The following IMPA1 variants were observed in gnomAD, a reference collection of about 807,000 sequenced individuals.
The protein encoded by IMPA1 is D-galactose 1-phosphate phosphatase.
IMPA1 carries 21 observed loss-of-function variants against 34.9 expected under a neutral mutation model. That is an observed-to-expected ratio of 0.60 (90% CI 0.43 to 0.87). IMPA1 has a LOEUF of 0.87. Ranked by LOEUF, IMPA1 falls within the 40% of genes least tolerant of loss-of-function variation. The pLI, the probability that IMPA1 is intolerant of heterozygous loss-of-function variation, is 0.00. For synonymous variants in IMPA1, 95 were observed against 104.4 expected (o/e 0.91, Z 0.55); for missense variants, 299 against 336.4 (o/e 0.89, Z 0.87).
chr8:81,669,189 G>C lies in IMPA1; in HGVS notation c.566+1750C>G, dbSNP rs1585893639. ...ATCTCCACCAAGGTAAAGCCTAGTA[G>C]AGCCCAGGAAGTAAGGCCACCACAG... is the stretch of plus-strand genomic sequence containing the variant. On this transcript the variant is annotated intron_variant, in intron 7 of 8. Coordinates refer to ENST00000256108, the MANE Select transcript of IMPA1 (RefSeq NM_005536.4). Among the ~76,000 whole-genome samples, 8 of 152,232 alleles carry C rather than the reference G, an allele frequency of 5.3e-5. 2 individuals carry two copies. Among genetic ancestry groups the C allele is most frequent in the Admixed American group, 5.2e-4 (8 of 15,300 alleles).
intron 7 of IMPA1, among the ~76,000 whole-genome samples, chr8:81,663,039 A>T (rs1042634804): frequency 2.0e-5 from 3 of 152,254 alleles, no homozygotes; most frequent in Non-Finnish European, 4.4e-5. Flanking sequence ...AAAGCTGAAG[A>T]ATCAGCTGAA....
Position 81,671,020 on chromosome 8 carries a change from T to G in IMPA1, c.485A>C (p.Glu162Ala). The stretch of plus-strand genomic sequence containing the variant: ...CTCTGGTGTTCTGGAAGAGCCCAAC[T>G]CAGTCACCAAGAGAGATTTGGTAAT... ...EDITKSLLVT[E>A]LGSSRTPETV... is the part of the protein sequence containing the mutation. The change falls in exon 7 of 9, where the codon GAG becomes GCG. Residue 162 changes from glutamate to alanine, a missense_variant. Glu to Ala is a moderately radical substitution (Grantham distance 107). Coordinates refer to ENST00000256108, the MANE Select transcript of IMPA1 (RefSeq NM_005536.4). 6.6e-7 allele frequency: 1 copy of G among 1,524,674 alleles called. No homozygotes were observed. Among genetic ancestry groups the G allele is most frequent in the Non-Finnish European group, 8.7e-7 (1 of 1,147,110 alleles). The allele number at this position is 1,524,674 out of a possible 1,614,324, so 94.4% of individuals were successfully genotyped here.
intron 6 of IMPA1, among the ~76,000 whole-genome samples, chr8:81,673,413 TC>T (rs1423419595): frequency 6.6e-6 from 1 of 152,166 alleles, no homozygotes; most frequent in Non-Finnish European, 1.5e-5. Flanking sequence ...TTTATGTACA[TC>T]TTACACATAT....
At chr8:81,683,922 G>C (rs1405128481) in intron 1 of IMPA1, among the ~76,000 whole-genome samples, 1 of 152,090 alleles carries the variant, frequency 6.6e-6, no homozygotes, top group East Asian at 1.9e-4. Flanking sequence ...TCTCTGTCCA[G>C]CATTCCTTTC....
At position 81,658,642 on chromosome 8, in the gene IMPA1, T is replaced by A. The variant is rs1210545330; in HGVS notation, c.*709A>T. ...CTGCAGAAATGCCCACAATAAGCCA[T>A]GCTATCTGATGGTATGGTAATGTGA... is the stretch of plus-strand genomic sequence containing the variant. On this transcript the variant is annotated 3_prime_UTR_variant, in exon 9 of 9. Transcript: ENST00000256108. 6.6e-6 allele frequency: 1 copy of A among 152,608 alleles called. No homozygotes were observed. The highest frequency in any genetic ancestry group is 1.5e-5 in the Non-Finnish European group (1 of 68,014). The allele number at this position is 152,608 out of a possible 1,614,324, so 9.5% of individuals were successfully genotyped here. A position where few individuals can be genotyped will look rare whatever the true frequency, so the allele number is the denominator to read the frequency against.
At chr8:81,666,404 G>T (rs1224683392) in intron 7 of IMPA1, among the ~76,000 whole-genome samples, 2 of 152,110 alleles carry the variant, frequency 1.3e-5, no homozygotes, top group Non-Finnish European at 2.9e-5. Flanking sequence ...GACAAAAACA[G>T]TCATATCAAT....
chr8:81,661,200 G>C (rs1225523237), intron 7 of IMPA1, among the ~76,000 whole-genome samples: 1 of 152,060 alleles, frequency 6.6e-6, no homozygotes, highest in East Asian at 1.9e-4. Context: ...CCTCTTCCTT[G>C]AATACAAGTT....
At chr8:81,682,294 C>T (rs931792856) in intron 1 of IMPA1, among the ~76,000 whole-genome samples, 6 of 152,180 alleles carry the variant, frequency 3.9e-5, no homozygotes, top group African/African-American at 1.4e-4. Context: ...GGCTTGATCA[C>T]ACTCTGAAGT....
At chr8:81,666,717 T>C (rs2130260789) in intron 7 of IMPA1, among the ~76,000 whole-genome samples, 1 of 151,540 alleles carries the variant, frequency 6.6e-6, no homozygotes, top group Middle Eastern at 3.4e-3. Flanking sequence ...CTACTAAAAA[T>C]ACAAAAGCCG....
At chr8:81,685,452 A>T (rs1401182394) in intron 1 of IMPA1, among the ~76,000 whole-genome samples, 2 of 141,974 alleles carry the variant, frequency 1.4e-5, no homozygotes, top group Admixed American at 7.2e-5. Flanking sequence ...TTTCTGTACT[A>T]TATATAAGTA....
intron 7 of IMPA1, among the ~76,000 whole-genome samples, chr8:81,664,465 G>A (rs553890911): frequency 2.1e-4 from 32 of 152,302 alleles, no homozygotes; most frequent in South Asian, 1.2e-3. Context: ...GAACAAGGAG[G>A]AGCAGAGGAC....
At chr8:81,684,612 A>AAG (rs1398485961) in intron 1 of IMPA1, among the ~76,000 whole-genome samples, 1 of 53,264 alleles carries the variant, frequency 1.9e-5, no homozygotes, top group African/African-American at 9.4e-5. Flanking sequence ...TATATCTAGT[A>AAG]TATATATACT....
At chr8:81,685,322 C>T (rs1291152820) in intron 1 of IMPA1, among the ~76,000 whole-genome samples, 5 of 134,902 alleles carry the variant, frequency 3.7e-5, no homozygotes, top group African/African-American at 5.5e-5. Context: ...ATGTACTATA[C>T]ATATAGTATA....
intron 2 of IMPA1, 124 bp downstream of exon 2, chr8:81,681,374 G>A (rs566488498): frequency 1.3e-5 from 8 of 638,332 alleles, no homozygotes; most frequent in African/African-American, 1.1e-4. Flanking sequence ...ATTCCAGCTT[G>A]GGTGACAAGC....
At chr8:81,671,336 A>G (rs1351650432) in intron 6 of IMPA1, among the ~76,000 whole-genome samples, 1 of 152,170 alleles carries the variant, frequency 6.6e-6, no homozygotes, top group South Asian at 2.1e-4. Flanking sequence ...AAAAGGAGAG[A>G]CTAAATTCAA....
Position 81,680,247 on chromosome 8 carries a change from CG to C in IMPA1, c.197+402del, listed in dbSNP as rs779449940. On this transcript the variant is annotated intron_variant, in intron 3 of 8. Coordinates refer to ENST00000256108, the MANE Select transcript of IMPA1 (RefSeq NM_005536.4). Reference sequence around the variant, plus strand: ...AGATACTTGTTTCTAACCAATAAAGCGTAAGTGACAGTATACAAAACTTTGG... The same window carrying C: ...AGATACTTGTTTCTAACCAATAAAGCTAAGTGACAGTATACAAAACTTTGG... 7.2e-5 allele frequency among the ~76,000 whole-genome samples: 11 copies of C among 152,260 alleles called. No homozygotes were observed. The East Asian group carries it at 1.9e-3, about 27-fold the overall frequency.
intron 4 of IMPA1, among the ~76,000 whole-genome samples, chr8:81,677,284 G>A (rs553787196): frequency 3.2e-4 from 48 of 152,052 alleles, no homozygotes; most frequent in Admixed American, 1.0e-3. Context: ...ACGTAGAGAC[G>A]GGGTTTCTCC....
At chr8:81,667,832 T>G (rs1269885936) in intron 7 of IMPA1, among the ~76,000 whole-genome samples, 1 of 151,794 alleles carries the variant, frequency 6.6e-6, no homozygotes, top group Non-Finnish European at 1.5e-5. Context: ...GTTTCTTTTT[T>G]TTTTTTTTTG....
At chr8:81,675,682 A>T (rs887980611) in intron 5 of IMPA1, among the ~76,000 whole-genome samples, 1 of 152,178 alleles carries the variant, frequency 6.6e-6, no homozygotes, top group African/African-American at 2.4e-5. Context: ...ACCATCCTTT[A>T]CTGTTTGACC....
Sources: allele counts gnomAD v4.1 joint callset (sites outside exome capture counted in the v4.1 genomes callset), GRCh38; gene constraint gnomAD v4.1.1; transcripts MANE v1.5; gene names NCBI Gene and HGNC (gene_info 2026-07-23, HGNC 2026-07-21).